SPECC1L: variants seen among roughly 807,000 people sequenced by gnomAD.
The protein encoded by SPECC1L is cytospin-A.
Under a neutral mutation model 116.8 loss-of-function variants are expected in SPECC1L, and 40 were observed. That is an observed-to-expected ratio of 0.34 (90% CI 0.27 to 0.45). The LOEUF is 0.45. SPECC1L is among the 20% of genes least tolerant of loss of function. The pLI is 1.00. For synonymous variants in SPECC1L, 504 were observed against 500.6 expected (o/e 1.01, Z -0.09); for missense variants, 1,110 against 1,373.6 (o/e 0.81, Z 3.03).
rs1189572996 is a variant in SPECC1L at position 24,365,406 on chromosome 22, A to G, written c.2828-70A>G. The G allele has an allele frequency of 2.9e-5, 40 of 1,356,012 alleles. No individual in the cohort carries two copies. In the East Asian group the frequency reaches 5.7e-4, roughly 19 times the overall value. 84.0% of individuals were successfully genotyped at this position (1,356,012 alleles called of 1,614,324 possible). ...TATCTGTTGTTTTTGGAATCTTCAGAAAAAAAAAATCTCAAGAACTCAGTC... is the reference window on the plus strand; with the variant it reads ...TATCTGTTGTTTTTGGAATCTTCAGGAAAAAAAAATCTCAAGAACTCAGTC... On this transcript the variant is annotated intron_variant, in intron 12 of 16. Transcript: ENST00000314328.
At chr22:24,347,336 G>A (rs2041317616) in intron 11 of SPECC1L, among the ~76,000 whole-genome samples, 160 bp downstream of exon 11, 1 of 152,120 alleles carries the variant, frequency 6.6e-6, no homozygotes, top group Non-Finnish European at 1.5e-5. Flanking sequence ...TAAATTACAA[G>A]TGGGGAAAGT....
intron 4 of SPECC1L, among the ~76,000 whole-genome samples, chr22:24,318,382 G>C (rs889594468): frequency 2.0e-5 from 3 of 152,172 alleles, no homozygotes; most frequent in African/African-American, 7.2e-5. Context: ...CCAGTCAGGC[G>C]TGGCGGCGCG....
At chr22:24,387,513 T>C (rs1245768654) in intron 14 of SPECC1L, among the ~76,000 whole-genome samples, 2 of 152,204 alleles carry the variant, frequency 1.3e-5, no homozygotes, top group African/African-American at 2.4e-5. Flanking sequence ...GGGTACTTCA[T>C]GTATATTGAG....
intron 11 of SPECC1L, among the ~76,000 whole-genome samples, chr22:24,360,615 T>TA (rs2041624901): frequency 1.3e-5 from 2 of 152,316 alleles, no homozygotes; most frequent in African/African-American, 4.8e-5. Context: ...TAAGATAACT[T>TA]AGACAGTTTT....
chr22:24,370,808 A>G (rs986829456), intron 14 of SPECC1L, among the ~76,000 whole-genome samples: 1 of 152,206 alleles, frequency 6.6e-6, no homozygotes, highest in Non-Finnish European at 1.5e-5. Context: ...GTGCTAAATG[A>G]AACAAGCCAT....
At chr22:24,296,241 C>T (rs919191802) in intron 2 of SPECC1L, among the ~76,000 whole-genome samples, 4 of 152,104 alleles carry the variant, frequency 2.6e-5, no homozygotes, top group African/African-American at 9.7e-5. Context: ...CTAGACATAC[C>T]CACCTGGGAT....
chr22:24,324,176 A>G, intron 5 of SPECC1L, 44 bp from the exon 6 acceptor site: 1 of 1,544,320 alleles, frequency 6.5e-7, no homozygotes, highest in Middle Eastern at 1.8e-4. Flanking sequence ...GTACCTTAGA[A>G]CAACTCTTAA....
intron 14 of SPECC1L, among the ~76,000 whole-genome samples, chr22:24,391,159 G>C (rs2042266881): frequency 2.0e-5 from 3 of 151,984 alleles, no homozygotes; most frequent in Admixed American, 2.0e-4. Flanking sequence ...ACGGGTGTGA[G>C]CCACTGCGCC....
chr22:24,394,569 G>T (rs2042331862), intron 14 of SPECC1L, among the ~76,000 whole-genome samples: 1 of 152,192 alleles, frequency 6.6e-6, no homozygotes, highest in Non-Finnish European at 1.5e-5. Context: ...CTAGCTGCTG[G>T]ATCATGTGGT....
intron 4 of SPECC1L, among the ~76,000 whole-genome samples, chr22:24,317,731 G>A (rs2040625917): frequency 6.6e-6 from 1 of 150,950 alleles, no homozygotes; most frequent in South Asian, 2.1e-4. Flanking sequence ...CAGACGGGGT[G>A]GCTGCCGGGC....
Position 24,417,648 on chromosome 22 carries a change from A to G in SPECC1L, c.*3025A>G, listed in dbSNP as rs1555875302. On this transcript the variant is annotated 3_prime_UTR_variant, in exon 17 of 17. Transcript: ENST00000314328. ...TTTTGTTTGTTTTGAGGCATGTATCATCTTGGAAATAATTGTCAGGATGTA... is the reference window on the plus strand; with the variant it reads ...TTTTGTTTGTTTTGAGGCATGTATCGTCTTGGAAATAATTGTCAGGATGTA... 6.6e-6 allele frequency: 1 copy of G among 152,244 alleles called. No homozygotes were observed. The highest frequency in any genetic ancestry group is 1.5e-5 in the Non-Finnish European group (1 of 68,060). The allele number at this position is 152,244 out of a possible 1,614,324, so 9.4% of individuals were successfully genotyped here.
At chr22:24,345,369 G>A (rs1223501711) in intron 10 of SPECC1L, among the ~76,000 whole-genome samples, 2 of 152,090 alleles carry the variant, frequency 1.3e-5, no homozygotes, top group Non-Finnish European at 2.9e-5. Context: ...GAGAACATGA[G>A]AGAAAATCTT....
intron 11 of SPECC1L, among the ~76,000 whole-genome samples, chr22:24,360,194 C>G (rs1198991089): frequency 6.6e-6 from 1 of 152,162 alleles, no homozygotes; most frequent in South Asian, 2.1e-4. Context: ...AATCTTATTT[C>G]CTGAAGAGGG....
At chr22:24,304,446 G>T (rs994807428) in intron 3 of SPECC1L, 13 of 152,250 alleles carry the variant, frequency 8.5e-5, no homozygotes, top group Admixed American at 7.2e-4. Flanking sequence ...CACTACTGCT[G>T]CTCACAGTGA....
In SPECC1L at chr22:24,361,011, A is replaced by C. The variant is rs558897343; in HGVS notation, c.2744-2250A>C. On this transcript the variant is annotated intron_variant, in intron 11 of 16. Coordinates refer to ENST00000314328, the MANE Select transcript of SPECC1L (RefSeq NM_015330.6). ...GAACACTGTAGGGACTCTTTAAGCT[A>C]TATACATCCCATCTTTATTAAGCTC... Among the ~76,000 whole-genome samples the C allele has an allele frequency of 3.8e-4, 58 of 152,296 alleles. 3 individuals are homozygous for C. The South Asian group carries it at 0.012, about 30-fold the overall frequency.
intron 11 of SPECC1L, 45 bp downstream of exon 11, chr22:24,347,221 G>C: frequency 6.8e-7 from 1 of 1,480,820 alleles, no homozygotes; most frequent in Admixed American, 1.7e-5. Context: ...TTCAATTTTT[G>C]AATTGTTCTG....
intron 13 of SPECC1L, among the ~76,000 whole-genome samples, chr22:24,367,612 A>G (rs1047009368): frequency 1.1e-4 from 16 of 152,294 alleles, no homozygotes; most frequent in African/African-American, 3.9e-4. Flanking sequence ...ATTTCCTTCA[A>G]GGAGGCAGTC....
intron 11 of SPECC1L, among the ~76,000 whole-genome samples, chr22:24,356,394 G>A (rs1260133447): frequency 6.6e-6 from 1 of 152,008 alleles, no homozygotes; most frequent in African/African-American, 2.4e-5. Flanking sequence ...TGTCTTCTTA[G>A]AGAACTAGCC....
At chr22:24,383,107 C>T (rs760921628) in intron 14 of SPECC1L, among the ~76,000 whole-genome samples, 14 of 152,162 alleles carry the variant, frequency 9.2e-5, no homozygotes, top group Non-Finnish European at 1.2e-4. Context: ...TCGAGGCCTT[C>T]GGTTGAGACC....
Sources: gnomAD v4.1 joint callset for allele counts (sites outside exome capture counted in the v4.1 genomes callset) on GRCh38, gnomAD v4.1.1 for gene constraint, MANE v1.5 for transcripts, NCBI Gene and HGNC (gene_info 2026-07-23, HGNC 2026-07-21) for gene names.